RSPH14: variants seen among roughly 807,000 people sequenced by gnomAD.
RSPH14 encodes rhabdoid tumor deletion region gene 1.
RSPH14 carries 20 observed loss-of-function variants against 26.7 expected under a neutral mutation model. The observed-to-expected ratio is 0.75, with a 90% CI of 0.53 to 1.09. RSPH14 has a LOEUF of 1.09. Among genes scored for constraint, RSPH14 ranks in the 50% least tolerant of loss-of-function variants. The pLI is 0.00. For missense variants in RSPH14, 449 were observed against 457.2 expected (o/e 0.98, Z 0.16); for synonymous variants, 177 against 189.3 (o/e 0.93, Z 0.53).
intron 3 of RSPH14, 78 bp from the exon 4 acceptor site, chr22:23,134,222 G>T: frequency 9.3e-7 from 1 of 1,077,488 alleles, no homozygotes. Context: ...CAGGGTCCCT[G>T]CTGGAGTCTG....
intron 4 of RSPH14, among the ~76,000 whole-genome samples, chr22:23,066,952 TG>T (rs1470034956): frequency 6.6e-6 from 1 of 152,034 alleles, no homozygotes; most frequent in Non-Finnish European, 1.5e-5. Context: ...GGTTGACATG[TG>T]TGTAGACCAG....
chr22:23,150,260 G>A, the RSPH14 span: 1 of 891,312 alleles, frequency 1.1e-6, no homozygotes, highest in Non-Finnish European at 1.8e-6. Flanking sequence ...GGCTGGTGCA[G>A]CCCTGTACAG....
At chr22:23,129,037 C>T (rs1201781756) in intron 4 of RSPH14, among the ~76,000 whole-genome samples, 1 of 152,148 alleles carries the variant, frequency 6.6e-6, no homozygotes, top group East Asian at 1.9e-4. Flanking sequence ...ACCCACGTTC[C>T]CACAGGTGAT....
intron 4 of RSPH14, among the ~76,000 whole-genome samples, chr22:23,104,713 G>C (rs981300764): frequency 6.6e-6 from 1 of 151,124 alleles, no homozygotes; most frequent in Non-Finnish European, 1.5e-5. Flanking sequence ...CAGTGTAGAT[G>C]GGGGGATCTG....
At chr22:23,062,505 G>A (rs191077928) in intron 5 of RSPH14, among the ~76,000 whole-genome samples, 1 of 152,336 alleles carries the variant, frequency 6.6e-6, no homozygotes, top group Admixed American at 6.5e-5. Flanking sequence ...CCTGGGCCAG[G>A]AAACACTGTT....
At chr22:23,078,951 G>C (rs755985773) in intron 4 of RSPH14, among the ~76,000 whole-genome samples, 59 of 152,258 alleles carry the variant, frequency 3.9e-4, no homozygotes, top group South Asian at 8.3e-4. Flanking sequence ...GGAAGGCCAC[G>C]GGCCTTTCCA....
chr22:23,068,739 A>T (rs13054904), intron 4 of RSPH14, among the ~76,000 whole-genome samples: 121,142 of 152,216 alleles, frequency 0.8, 48,669 homozygotes, highest in East Asian at 0.96. Flanking sequence ...ATTTCCTATA[A>T]ACATTAACCC....
intron 4 of RSPH14, among the ~76,000 whole-genome samples, chr22:23,077,354 A>G (rs2068534511): frequency 6.6e-6 from 1 of 152,142 alleles, no homozygotes; most frequent in Non-Finnish European, 1.5e-5. Flanking sequence ...TAGTGACCTC[A>G]GGGTCCAACC....
intron 4 of RSPH14, among the ~76,000 whole-genome samples, chr22:23,094,715 C>T (rs927989999): frequency 6.6e-6 from 1 of 152,244 alleles, no homozygotes; most frequent in African/African-American, 2.4e-5. Context: ...CATCAGAGTG[C>T]CCTCAAGGGA....
the RSPH14 span, chr22:23,164,121 G>A: frequency 6.6e-6 from 1 of 152,258 alleles, no homozygotes; most frequent in African/African-American, 2.4e-5. Flanking sequence ...GGGTCCATTA[G>A]GAAGACCAGG....
chr22:23,060,685 A>G (rs1030069091), intron 6 of RSPH14, among the ~76,000 whole-genome samples: 14 of 151,676 alleles, frequency 9.2e-5, no homozygotes, highest in Non-Finnish European at 1.8e-4. Context: ...GCCAACTCCC[A>G]TTGTCCTTGG....
At chr22:23,101,788 T>G (rs1170993308) in intron 4 of RSPH14, among the ~76,000 whole-genome samples, 2 of 152,176 alleles carry the variant, frequency 1.3e-5, no homozygotes, top group Non-Finnish European at 2.9e-5. Context: ...TCCCAAGGAC[T>G]GGACAGCCCC....
intron 4 of RSPH14, among the ~76,000 whole-genome samples, chr22:23,132,388 G>A (rs1378368553): frequency 6.6e-6 from 1 of 152,112 alleles, no homozygotes; most frequent in Non-Finnish European, 1.5e-5. Context: ...CTTAACTCTC[G>A]AGCCGTGGTA....
the RSPH14 span, among the ~76,000 whole-genome samples, chr22:23,154,600 G>A: frequency 6.6e-6 from 1 of 152,160 alleles, no homozygotes; most frequent in East Asian, 1.9e-4. Flanking sequence ...GGGCTCACCC[G>A]TGTGACCACA....
At chr22:23,130,623 G>C (rs911491828) in intron 4 of RSPH14, among the ~76,000 whole-genome samples, 4 of 152,186 alleles carry the variant, frequency 2.6e-5, no homozygotes, top group Admixed American at 2.6e-4. Context: ...GGTTTGAAAT[G>C]ATATTTGCAA....
In RSPH14 at chr22:23,140,277, C is replaced by T; in HGVS notation, c.144G>A (p.Met48Ile). The T allele has an allele frequency of 1.2e-6, 2 of 1,614,184 alleles. No homozygotes were observed. Among genetic ancestry groups the T allele is most frequent in the Non-Finnish European group, 1.7e-6 (2 of 1,180,038 alleles). The change falls in exon 2 of 7, where the codon ATG (methionine) becomes ATA (isoleucine). Residue 48 changes from methionine (M) to isoleucine (I), a missense_variant. Met to Ile is a conservative substitution (Grantham distance 10, BLOSUM62 1). Coordinates refer to ENST00000216036, the MANE Select transcript of RSPH14 (RefSeq NM_014433.3). ...GGTCATGCATGAGGTCACACAAGGC[C>T]ATGAGGGCTTTCTGCCTCGTCTGGA... The part of the protein sequence containing the change: ...EDLQTRQKAL[M>I]ALCDLMHDPE...
upstream of RSPH14, chr22:23,145,694 G>C (rs1031914016): frequency 1.4e-4 from 145 of 1,066,182 alleles, no homozygotes; most frequent in Non-Finnish European, 1.3e-4. Flanking sequence ...GCCCCGGGGC[G>C]TCCTCATTTC....
intron 4 of RSPH14, among the ~76,000 whole-genome samples, chr22:23,106,622 G>T (rs1276989287): frequency 1.3e-5 from 2 of 152,216 alleles, no homozygotes; most frequent in Non-Finnish European, 2.9e-5. Context: ...TACTCTGAAG[G>T]CTCAGGCTGT....
the RSPH14 span, among the ~76,000 whole-genome samples, chr22:23,172,158 G>A: frequency 1.3e-5 from 2 of 152,158 alleles, no homozygotes; most frequent in African/African-American, 2.4e-5. Flanking sequence ...GCTCATCCAT[G>A]TTGTAGCATT....
Sources: allele counts gnomAD v4.1 joint callset (sites outside exome capture counted in the v4.1 genomes callset), GRCh38; gene constraint gnomAD v4.1.1; transcripts MANE v1.5; gene names NCBI Gene and HGNC (gene_info 2026-07-23, HGNC 2026-07-21).